PFKFB3: variants seen among roughly 807,000 people sequenced by gnomAD.
The protein encoded by PFKFB3 is 6-phosphofructo-2-kinase/fructose-2,6-bisphosphatase 3.
PFKFB3 carries 33 observed loss-of-function variants against 68.0 expected under a neutral mutation model. The observed-to-expected ratio is 0.49, with a 90% CI of 0.37 to 0.65. PFKFB3 has a LOEUF of 0.65. Ranked by LOEUF, PFKFB3 falls within the 30% of genes least tolerant of loss-of-function variation. The pLI is 0.00. For missense variants in PFKFB3, 586 were observed against 712.2 expected, an observed-to-expected ratio of 0.82 and a Z score of 2.02; for synonymous variants, 315 against 288.2, an observed-to-expected ratio of 1.09 and a Z score of -0.94.
In PFKFB3 at chr10:6,177,632, T is replaced by TCTCCTGCCTCAGCCTAACAAGTAGCTG. The variant is rs1396779633; in HGVS notation, c.16+32620_16+32646dup. On this transcript the variant is annotated intron_variant, in intron 1 of 14. Coordinates refer to the PFKFB3 transcript ENST00000379789. ...CCTCTGCCTCCCGGGTTCAAGCAAT[T>TCTCCTGCCTCAGCCTAACAAGTAGCTG]CTCCTGCCTCAGCCTAACAAGTAGC... Among the ~76,000 whole-genome samples the TCTCCTGCCTCAGCCTAACAAGTAGCTG allele has an allele frequency of 1.0e-3, 159 of 151,500 alleles. 3 individuals are homozygous for TCTCCTGCCTCAGCCTAACAAGTAGCTG. Among genetic ancestry groups the TCTCCTGCCTCAGCCTAACAAGTAGCTG allele is most frequent in the East Asian group, 2.7e-3 (14 of 5,162 alleles).
In PFKFB3 at chr10:6,234,504, A is replaced by G. The variant is rs907555081; in HGVS notation, c.*1562A>G. ...AAGTGGGGGATTTTCATGCTGAACC[A>G]TTCAAGCCCTCCCCGCCCGTTGCAC... On this transcript the variant is annotated 3_prime_UTR_variant, in exon 15 of 15. Coordinates refer to ENST00000379775, the MANE Select transcript of PFKFB3 (RefSeq NM_004566.4). 1 of 152,158 alleles carries G rather than the reference A, an allele frequency of 6.6e-6. No individual in the cohort carries two copies. Among genetic ancestry groups the G allele is most frequent in the Non-Finnish European group, 1.5e-5 (1 of 68,010 alleles). The allele number at this position is 152,158 out of a possible 1,614,324, so 9.4% of individuals were successfully genotyped here.
At chr10:6,193,192 A>G (rs1304962851) in intron 1 of PFKFB3, among the ~76,000 whole-genome samples, 1 of 152,116 alleles carries the variant, frequency 6.6e-6, no homozygotes, top group African/African-American at 2.4e-5. Flanking sequence ...ACAAAAACAA[A>G]AGATAGAAAT....
In PFKFB3 at chr10:6,229,934, A is replaced by C. The variant is rs1009187820; in HGVS notation, c.1516-2961A>C. 6.6e-6 allele frequency among the ~76,000 whole-genome samples: 1 copy of C among 151,340 alleles called. No homozygotes were observed. Among genetic ancestry groups the C allele is most frequent in the African/African-American group, 2.4e-5 (1 of 41,138 alleles). On this transcript the variant is annotated intron_variant, in intron 14 of 14. Transcript: ENST00000379775. This position sits in a 1 kb window ranked among gnomAD's most constrained non-coding sequence, Gnocchi z 4.3. ...CCGAGTCAGGTGGTAATGTTGGCCC[A>C]CCCACCACCCACCTCCTGCTGTGTG...
intron 1 of PFKFB3, among the ~76,000 whole-genome samples, chr10:6,179,519 C>G (rs1190020683): frequency 6.6e-6 from 1 of 152,178 alleles, no homozygotes; most frequent in Non-Finnish European, 1.5e-5. Context: ...AGGCGTTTCC[C>G]TAGCGAGCCC....
intron 1 of PFKFB3, among the ~76,000 whole-genome samples, chr10:6,196,890 C>A (rs114553062): frequency 0.031 from 4,675 of 152,128 alleles, 209 homozygotes; most frequent in African/African-American, 0.1. Context: ...AATCCTCCCC[C>A]CGTCACGCTC....
chr10:6,281,166 C>CTCATATTATATATATATATATATAT, the PFKFB3 span, among the ~76,000 whole-genome samples: 1 of 84,510 alleles, frequency 1.2e-5, no homozygotes, highest in Non-Finnish European at 2.8e-5. Context: ...AGTATTCCAT[C>CTCATATTATATATATATATATATAT]ATATATATAT....
chr10:6,147,689 A>T (rs1300451609), intron 1 of PFKFB3, among the ~76,000 whole-genome samples: 1 of 151,660 alleles, frequency 6.6e-6, no homozygotes, highest in Non-Finnish European at 1.5e-5. Context: ...GAGCTGGGAG[A>T]ATCCTCAACC....
chr10:6,209,130 A>G (rs1033545175), intron 1 of PFKFB3, among the ~76,000 whole-genome samples: 2 of 152,142 alleles, frequency 1.3e-5, no homozygotes, highest in African/African-American at 4.8e-5. Context: ...TGCAGAATTG[A>G]AGTTCCGTGC....
the PFKFB3 span, among the ~76,000 whole-genome samples, chr10:6,276,159 A>T: frequency 6.6e-6 from 1 of 152,190 alleles, no homozygotes; most frequent in Admixed American, 6.5e-5. Flanking sequence ...TTATCAGCCA[A>T]ATGCTATCTT....
At chr10:6,319,074 T>G in the PFKFB3 span, among the ~76,000 whole-genome samples, 3 of 152,244 alleles carry the variant, frequency 2.0e-5, no homozygotes. Flanking sequence ...TAAAAGTGCC[T>G]TATCTGTTCT....
intron 1 of PFKFB3, among the ~76,000 whole-genome samples, chr10:6,191,014 AG>A (rs1266952715): frequency 1.3e-5 from 2 of 152,102 alleles, no homozygotes; most frequent in Non-Finnish European, 2.9e-5. Context: ...CCTGGGCTTA[AG>A]CGATCCTCCC....
At chr10:6,226,744 C>A (rs61840172) in intron 14 of PFKFB3, among the ~76,000 whole-genome samples, 2,640 of 152,306 alleles carry the variant, frequency 0.017, 28 homozygotes, top group Middle Eastern at 0.058. Flanking sequence ...AAGAAAGTGG[C>A]TACTTTCTCA....
At chr10:6,275,827 A>AT in the PFKFB3 span, among the ~76,000 whole-genome samples, 73 of 149,072 alleles carry the variant, frequency 4.9e-4, no homozygotes, top group Non-Finnish European at 6.9e-4. This position sits in a 1 kb window ranked among gnomAD's most constrained non-coding sequence, Gnocchi z 4.9. Context: ...AGAATGAAAC[A>AT]TTTTTTTTTT....
chr10:6,272,134 T>C, the PFKFB3 span, among the ~76,000 whole-genome samples: 1 of 152,206 alleles, frequency 6.6e-6, no homozygotes, highest in Non-Finnish European at 1.5e-5. Flanking sequence ...TGTTGTATGT[T>C]ATGAACAAGT....
At chr10:6,265,792 T>A in the PFKFB3 span, among the ~76,000 whole-genome samples, 1 of 152,236 alleles carries the variant, frequency 6.6e-6, no homozygotes, top group African/African-American at 2.4e-5. Context: ...ATCTTTGCTA[T>A]AATGATTGCA....
the PFKFB3 span, among the ~76,000 whole-genome samples, chr10:6,300,124 T>G: frequency 6.6e-6 from 1 of 152,198 alleles, no homozygotes; most frequent in Admixed American, 6.5e-5. Context: ...TTACTGGTTC[T>G]GTGGTTGTTG....
At chr10:6,276,786 G>A in the PFKFB3 span, among the ~76,000 whole-genome samples, 1 of 151,762 alleles carries the variant, frequency 6.6e-6, no homozygotes, top group South Asian at 2.1e-4. Flanking sequence ...TCACAACCAT[G>A]ATATTGAGAT....
At chr10:6,206,799 CG>C in intron 1 of PFKFB3, among the ~76,000 whole-genome samples, 1 of 79,800 alleles carries the variant, frequency 1.3e-5, no homozygotes, top group South Asian at 5.1e-4. Context: ...ACATCCCAGA[CG>C]ATGGGCGGCC....
At chr10:6,326,467 C>G in the PFKFB3 span, 152 of 436,610 alleles carry the variant, frequency 3.5e-4, 1 homozygote, top group Middle Eastern at 3.1e-3. Flanking sequence ...AAAGAATGAA[C>G]GTGGTCTATA....
Sources: gnomAD v4.1 joint callset for allele counts (sites outside exome capture counted in the v4.1 genomes callset) on GRCh38, gnomAD v4.1.1 for gene constraint, Gnocchi (gnomAD v3.1) non-coding constraint, MANE v1.5 for transcripts, NCBI Gene and HGNC (gene_info 2026-07-23, HGNC 2026-07-21) for gene names.